Variants in PSD3 observed in about 807,000 individuals in gnomAD.
PSD3 encodes pleckstrin and Sec7 domain containing 3, also known as PH and SEC7 domain-containing protein 3.
In PSD3, 49 loss-of-function variants were observed where a neutral mutation model predicts 105.5. The observed-to-expected ratio is 0.46, with a 90% CI of 0.37 to 0.59. The LOEUF (loss-of-function observed/expected upper bound fraction) is 0.59, where lower values mean the gene tolerates loss of function less well. Among genes scored for constraint, PSD3 ranks in the 20% least tolerant of loss-of-function variants. PSD3 has a pLI of 0.00. For missense variants in PSD3, 1,561 were observed against 1,263.8 expected, an observed-to-expected ratio of 1.24 and a Z score of -3.57; for synonymous variants, 557 against 457.8, an observed-to-expected ratio of 1.22 and a Z score of -2.77.
intron 9 of PSD3, among the ~76,000 whole-genome samples, chr8:18,674,707 G>A (rs1345213981): frequency 6.6e-6 from 1 of 152,098 alleles, no homozygotes; most frequent in African/African-American, 2.4e-5. Flanking sequence ...TTAAGAAGAT[G>A]TATTAAGAAA....
chr8:18,875,019 G>T (rs1817638431), intron 2 of PSD3, among the ~76,000 whole-genome samples: 1 of 152,156 alleles, frequency 6.6e-6, no homozygotes. Context: ...CGGCTCAAGT[G>T]ATCCTCTCAC....
At chr8:19,064,533 T>C (rs1049202799) in intron 1 of PSD3, among the ~76,000 whole-genome samples, 4 of 152,162 alleles carry the variant, frequency 2.6e-5, no homozygotes, top group Non-Finnish European at 5.9e-5. Flanking sequence ...GACATTCCAA[T>C]GGCTTCTTTT....
chr8:18,690,808 G>A (rs1337291003), intron 9 of PSD3, among the ~76,000 whole-genome samples: 2 of 152,200 alleles, frequency 1.3e-5, no homozygotes, highest in Non-Finnish European at 2.9e-5. Flanking sequence ...CAGCTTCAGA[G>A]CCCCTTCCCT....
At chr8:18,758,995 T>A (rs1311791178) in intron 9 of PSD3, among the ~76,000 whole-genome samples, 1 of 152,040 alleles carries the variant, frequency 6.6e-6, no homozygotes, top group Non-Finnish European at 1.5e-5. Flanking sequence ...ACTGTTTTTT[T>A]ATCACTCCAT....
intron 8 of PSD3, among the ~76,000 whole-genome samples, chr8:18,772,769 C>T (rs984642068): frequency 5.3e-5 from 8 of 152,172 alleles, no homozygotes; most frequent in Non-Finnish European, 5.9e-5. Flanking sequence ...CTTGGCCTTC[C>T]AAAGTGCTGG....
chr8:18,748,216 C>T (rs1175751318), intron 9 of PSD3, among the ~76,000 whole-genome samples: 1 of 152,138 alleles, frequency 6.6e-6, no homozygotes, highest in Non-Finnish European at 1.5e-5. Context: ...CAGTTACATC[C>T]TTTGTATTTT....
chr8:18,620,295 T>C (rs1806009450), intron 11 of PSD3, among the ~76,000 whole-genome samples: 1 of 152,030 alleles, frequency 6.6e-6, no homozygotes, highest in African/African-American at 2.4e-5. Flanking sequence ...AACCAAACTG[T>C]AACCTGACTG....
At chr8:18,595,796 T>C (rs1804052317) in intron 12 of PSD3, among the ~76,000 whole-genome samples, 1 of 151,886 alleles carries the variant, frequency 6.6e-6, no homozygotes, top group Non-Finnish European at 1.5e-5. Flanking sequence ...AAGGTAGAAA[T>C]TAACAATAGT....
At chr8:18,860,776 TTG>T (rs1294987435) in intron 4 of PSD3, among the ~76,000 whole-genome samples, 1 of 152,172 alleles carries the variant, frequency 6.6e-6, no homozygotes, top group Non-Finnish European at 1.5e-5. Context: ...AAGTTAAATA[TTG>T]TACTGATATA....
Position 18,531,348 on chromosome 8 carries a change from G to A in PSD3, c.*4395C>T, listed in dbSNP as rs908007305. Reference sequence around the variant, plus strand: ...AATGGGCCAATTATTGTCATAAGCAGAAGGCTGCCCACGTGGGTTCTGGAT... The same window carrying A: ...AATGGGCCAATTATTGTCATAAGCAAAAGGCTGCCCACGTGGGTTCTGGAT... On this transcript the variant is annotated 3_prime_UTR_variant, in exon 16 of 16. Transcript: ENST00000327040. 2 of 152,644 alleles carry A rather than the reference G, an allele frequency of 1.3e-5. No individual in the cohort carries two copies. Among genetic ancestry groups the A allele is most frequent in the African/African-American group, 4.8e-5 (2 of 41,444 alleles). The allele number at this position is 152,644 out of a possible 1,614,324, so 9.5% of individuals were successfully genotyped here.
At chr8:18,581,094 T>A (rs1802784423) in intron 12 of PSD3, among the ~76,000 whole-genome samples, 1 of 152,104 alleles carries the variant, frequency 6.6e-6, no homozygotes, top group African/African-American at 2.4e-5. Flanking sequence ...CAAAGGCTTG[T>A]CAAAGCACTT....
intron 9 of PSD3, among the ~76,000 whole-genome samples, chr8:18,735,858 G>C (rs905431413): frequency 6.6e-6 from 1 of 152,052 alleles, no homozygotes; most frequent in African/African-American, 2.4e-5. Flanking sequence ...CACCTGAATA[G>C]TAAAATTAAG....
chr8:18,951,920 G>C (rs1823260928), intron 1 of PSD3, among the ~76,000 whole-genome samples: 1 of 152,050 alleles, frequency 6.6e-6, no homozygotes, highest in Non-Finnish European at 1.5e-5. Flanking sequence ...AGTGAGCCCA[G>C]ATCACACCAG....
chr8:19,070,748 A>G (rs1041561232), intron 1 of PSD3, among the ~76,000 whole-genome samples: 1 of 152,174 alleles, frequency 6.6e-6, no homozygotes, highest in Non-Finnish European at 1.5e-5. Context: ...ATTGTCTTGT[A>G]CACCTCACTT....
chr8:18,783,809 T>C (rs1049781329), intron 8 of PSD3, among the ~76,000 whole-genome samples: 5 of 152,144 alleles, frequency 3.3e-5, no homozygotes, highest in Non-Finnish European at 5.9e-5. Flanking sequence ...ATTTTTTGTA[T>C]TCTGAAGTAG....
At chr8:18,770,060 T>A (rs139795575) in intron 8 of PSD3, among the ~76,000 whole-genome samples, 109 of 152,316 alleles carry the variant, frequency 7.2e-4, no homozygotes, top group African/African-American at 2.5e-3. Flanking sequence ...CCAGACTCAT[T>A]TTCAAAGTGG....
intron 15 of PSD3, among the ~76,000 whole-genome samples, chr8:18,555,454 C>A (rs1801013817): frequency 6.6e-6 from 1 of 152,100 alleles, no homozygotes; most frequent in African/African-American, 2.4e-5. Flanking sequence ...AACAACAGGT[C>A]AAATTAGTCG....
Position 18,871,868 on chromosome 8 carries a change from A to G in PSD3, c.996T>C (p.Pro332=). ...FETSLQRTAS[P]DSKESSKVPR... ...GCACTTTGGAAGACTCTTTGCTGTC[A>G]GGAGAGGCTGTTCTTTGCAGTGATG... Residue 332 remains proline, a synonymous_variant, in exon 3 of 16, where the codon CCT becomes CCC. Transcript: ENST00000327040. 1 of 1,614,216 alleles carries G rather than the reference A, an allele frequency of 6.2e-7. No individual in the cohort carries two copies.
chr8:18,695,719 G>C (rs1801220569), intron 9 of PSD3, among the ~76,000 whole-genome samples: 1 of 152,116 alleles, frequency 6.6e-6, no homozygotes, highest in African/African-American at 2.4e-5. Flanking sequence ...AAATAATTTT[G>C]CATTATCTTG....
Sources: gnomAD v4.1 joint callset for allele counts (sites outside exome capture counted in the v4.1 genomes callset) on GRCh38, gnomAD v4.1.1 for gene constraint, MANE v1.5 for transcripts, NCBI Gene and HGNC (gene_info 2026-07-23, HGNC 2026-07-21) for gene names.